UNC5CL: variants seen among roughly 807,000 people sequenced by gnomAD.
UNC5CL encodes unc-5 family C-terminal like.
A neutral mutation model predicts 54.1 loss-of-function variants in UNC5CL; 42 were observed. That is an observed-to-expected ratio of 0.78 (90% CI 0.61 to 1.00). The LOEUF is 1.00. Ranked by LOEUF, UNC5CL falls within the 50% of genes least tolerant of loss-of-function variation. The pLI is 0.00. For missense variants in UNC5CL, 619 were observed against 675.6 expected, an observed-to-expected ratio of 0.92 and a Z score of 0.93; for synonymous variants, 285 against 285.1, an observed-to-expected ratio of 1.00 and a Z score of 0.00.
Position 41,032,073 on chromosome 6 carries a change from C to A in UNC5CL, c.1014G>T (p.Lys338Asn). The change falls in exon 5 of 9, where the codon AAG becomes AAT. Residue 338 changes from lysine to asparagine, a missense_variant. Physicochemically the swap from Lys to Asn is moderately conservative, Grantham distance 94. Transcript: ENST00000244565. ...GGAAGCAGAAGGAGCGGAAGGGGCA[C>A]TTTCCATGCCAGATGTGGAGATGGG... is the stretch of plus-strand genomic sequence containing the variant. ...LVPHLHIWHG[K>N]CPFRSFCFRR... 1 of 1,614,188 alleles carries A rather than the reference C, an allele frequency of 6.2e-7. No homozygotes were observed. The highest frequency in any genetic ancestry group is 1.3e-5 in the African/African-American group (1 of 75,036).
intron 3 of UNC5CL, among the ~76,000 whole-genome samples, chr6:41,033,364 G>C (rs1762479081): frequency 6.6e-6 from 1 of 152,220 alleles, no homozygotes; most frequent in African/African-American, 2.4e-5. Flanking sequence ...AGCTGGCAGG[G>C]GAGAGAGGGA....
intron 5 of UNC5CL, 43 bp from the exon 6 acceptor site, chr6:41,031,791 G>A (rs371811415): frequency 4.6e-5 from 73 of 1,602,258 alleles, no homozygotes; most frequent in Admixed American, 8.3e-5. Flanking sequence ...GTGAGGAAAC[G>A]GCCTGGGGTA....
intron 5 of UNC5CL, 139 bp downstream of exon 5, chr6:41,031,897 T>A (rs1581975955): frequency 2.5e-6 from 3 of 1,216,542 alleles, no homozygotes; most frequent in Non-Finnish European, 3.6e-6. Flanking sequence ...AAGATCTGTG[T>A]GGCTCCTGGC....
Position 41,028,651 on chromosome 6 carries a change from C to A in UNC5CL, c.1335-56G>T, listed in dbSNP as rs117329657. 2,921 of 1,536,564 alleles carry A rather than the reference C, an allele frequency of 1.9e-3. 62 individuals carry two copies. In the East Asian group the frequency reaches 0.045, roughly 24 times the overall value. On this transcript the variant is annotated intron_variant, in intron 8 of 8. Coordinates refer to ENST00000244565, the MANE Select transcript of UNC5CL (RefSeq NM_173561.3). The surrounding 1 kb of genome is among the most constrained non-coding windows in gnomAD (Gnocchi z 4.3). ...TGTAGGAGCAGGGAGGGGCTCCCCCCCTGCTGCAGGCTCCCTGGGCTGCGC... is the reference window on the plus strand; with the variant it reads ...TGTAGGAGCAGGGAGGGGCTCCCCCACTGCTGCAGGCTCCCTGGGCTGCGC...
Position 41,032,757 on chromosome 6 carries a change from T to C in UNC5CL, c.949+127A>G, listed in dbSNP as rs115814884. On this transcript the variant is annotated intron_variant, in intron 4 of 8. Transcript: ENST00000244565. Reference sequence around the variant, plus strand: ...GCCTGGGCAACAGAGCGAAACTCCATCTCGGGAAAAAAAAAGAGAGAGAGA... The same window carrying C: ...GCCTGGGCAACAGAGCGAAACTCCACCTCGGGAAAAAAAAAGAGAGAGAGA... 5,781 of 1,386,370 alleles carry C rather than the reference T, an allele frequency of 4.2e-3. 192 individuals are homozygous for C. The African/African-American group carries it at 0.076, about 18-fold the overall frequency. The allele number at this position is 1,386,370 out of a possible 1,614,324, so 85.9% of individuals were successfully genotyped here. A position where few individuals can be genotyped will look rare whatever the true frequency, so the allele number is the denominator to read the frequency against.
At chr6:41,032,219 G>T in intron 4 of UNC5CL, 82 bp from the exon 5 acceptor site, 1 of 1,185,510 alleles carries the variant, frequency 8.4e-7, no homozygotes, top group Non-Finnish European at 1.2e-6. Flanking sequence ...GAGGCATGAG[G>T]ACAGAACAAA....
At chr6:41,038,956 T>C (rs992885519) in intron 1 of UNC5CL, among the ~76,000 whole-genome samples, 3 of 152,104 alleles carry the variant, frequency 2.0e-5, no homozygotes, top group African/African-American at 2.4e-5. Context: ...TTTGTTAGTA[T>C]AGTAGACATT....
chr6:41,033,650 C>G, intron 3 of UNC5CL: 2 of 589,540 alleles, frequency 3.4e-6, no homozygotes, highest in Non-Finnish European at 3.0e-6. Flanking sequence ...CAGACACTTC[C>G]AGACAGACAG....
At chr6:41,032,862 C>A in intron 4 of UNC5CL, 22 bp downstream of exon 4, 1 of 1,573,152 alleles carries the variant, frequency 6.4e-7, no homozygotes, top group Non-Finnish European at 8.6e-7. Context: ...CATCCTATCC[C>A]ACAGGCCACT....
Position 41,033,020 on chromosome 6 carries a change from G to T in UNC5CL, c.813C>A (p.Asn271Lys), listed in dbSNP as rs769174292. 1 of 1,609,400 alleles carries T rather than the reference G, an allele frequency of 6.2e-7. No individual in the cohort carries two copies. The highest frequency in any genetic ancestry group is 8.5e-7 in the Non-Finnish European group (1 of 1,177,886). ...CCCACTGCAGGGCGCAGGGCGTGTT[G>T]TTGAGGAAGTAGATACGCAGTTGCA... ...SHLQLRIYFL[N>K]NTPCALQWAL... Residue 271 changes from asparagine to lysine, a missense_variant, in exon 4 of 9, where the codon AAC (asparagine) becomes AAA (lysine). By Grantham distance (94) the Asn-to-Lys change is moderately conservative. Transcript: ENST00000244565.
chr6:41,030,144 T>A (rs1762435456), intron 8 of UNC5CL, among the ~76,000 whole-genome samples: 1 of 152,220 alleles, frequency 6.6e-6, no homozygotes, highest in African/African-American at 2.4e-5. Flanking sequence ...ACCAAATAAC[T>A]TCCATGTTAA....
At chr6:41,030,064 C>T (rs1441258554) in intron 8 of UNC5CL, among the ~76,000 whole-genome samples, 1 of 152,176 alleles carries the variant, frequency 6.6e-6, no homozygotes, top group African/African-American at 2.4e-5. Flanking sequence ...CAGCTACATG[C>T]TTTACACACA....
rs368632582 is a variant in UNC5CL at position 41,034,648 on chromosome 6, T to C, written c.385+42A>G. ...TCAGATGTGGTGACCTAATGTACAG[T>C]CTGACCAACTGTATGCGGAGATGAG... On this transcript the variant is annotated intron_variant, in intron 2 of 8. Transcript: ENST00000244565. 5.0e-5 allele frequency: 79 copies of C among 1,582,156 alleles called. No homozygotes were observed. The African/African-American group carries it at 9.6e-4, about 19-fold the overall frequency.
chr6:41,037,350 T>C (rs577256288), intron 1 of UNC5CL, among the ~76,000 whole-genome samples: 1 of 152,360 alleles, frequency 6.6e-6, no homozygotes, highest in South Asian at 2.1e-4. Flanking sequence ...GCTTGGTAGC[T>C]GAGTTCTGTG....
intron 4 of UNC5CL, among the ~76,000 whole-genome samples, chr6:41,032,433 C>T (rs888504061): frequency 6.6e-6 from 1 of 152,224 alleles, no homozygotes; most frequent in Non-Finnish European, 1.5e-5. Flanking sequence ...GCCCTGGGGG[C>T]TCCATGAGGC....
Position 41,032,917 on chromosome 6 carries a change from C to T in UNC5CL, c.916G>A (p.Asp306Asn), listed in dbSNP as rs767528036. 22 of 1,605,118 alleles carry T rather than the reference C, an allele frequency of 1.4e-5. No homozygotes were observed. The South Asian group carries it at 1.7e-4, about 12-fold the overall frequency. ...QLFDFNGARGDQCLKLTYISE... is the reference protein window; with the variant it reads ...QLFDFNGARGNQCLKLTYISE... ...ATGTACGTGAGCTTCAGGCACTGGT[C>T]GCCCCTAGCCCCATTGAAGTCGAAG... The change falls in exon 4 of 9, where the codon GAC becomes AAC. Residue 306 changes from aspartate to asparagine, a missense_variant. By Grantham distance (23) the Asp-to-Asn change is conservative. Coordinates refer to ENST00000244565, the MANE Select transcript of UNC5CL (RefSeq NM_173561.3).
intron 2 of UNC5CL, 33 bp downstream of exon 2, chr6:41,034,657 C>T (rs550480000): frequency 1.3e-6 from 2 of 1,589,584 alleles, no homozygotes; most frequent in South Asian, 2.2e-5. Flanking sequence ...GTCTGACCAA[C>T]TGTATGCGGA....
chr6:41,030,130 A>G lies in UNC5CL; in HGVS notation c.1334+258T>C, dbSNP rs1762435392. Among the ~76,000 whole-genome samples, 2 of 152,246 alleles carry G rather than the reference A, an allele frequency of 1.3e-5. 1 individual carries two copies. Among genetic ancestry groups the G allele is most frequent in the South Asian group, 4.1e-4 (2 of 4,836 alleles). ...GGGCATAGCATGGCAAGCACTCAACATGTACCAAATAACTTCCATGTTAAT... is the reference window on the plus strand; with the variant it reads ...GGGCATAGCATGGCAAGCACTCAACGTGTACCAAATAACTTCCATGTTAAT... On this transcript the variant is annotated intron_variant, in intron 8 of 8. Transcript: ENST00000244565.
chr6:41,032,239 G>T, intron 4 of UNC5CL, 102 bp from the exon 5 acceptor site: 1 of 943,034 alleles, frequency 1.1e-6, no homozygotes, highest in South Asian at 1.5e-5. Flanking sequence ...AGGCAGGAGG[G>T]TCTCAAGGGA....
Sources: allele counts gnomAD v4.1 joint callset (sites outside exome capture counted in the v4.1 genomes callset), GRCh38; gene constraint gnomAD v4.1.1; non-coding constraint Gnocchi (gnomAD v3.1); transcripts MANE v1.5; gene names NCBI Gene and HGNC (gene_info 2026-07-23, HGNC 2026-07-21).